GSE1: variants seen among roughly 807,000 people sequenced by gnomAD.
GSE1 encodes genetic suppressor element 1.
A neutral mutation model predicts 112.6 loss-of-function variants in GSE1; 32 were observed. The observed-to-expected ratio is 0.28, with a 90% CI of 0.21 to 0.38. The LOEUF (loss-of-function observed/expected upper bound fraction) is 0.38, where lower values mean the gene tolerates loss of function less well. Ranked by LOEUF, GSE1 falls within the 10% of genes least tolerant of loss-of-function variation. The pLI, the probability that GSE1 is intolerant of heterozygous loss-of-function variation, is 1.00. For synonymous variants in GSE1, 1,115 were observed against 735.6 expected (o/e 1.52, Z -8.35); for missense variants, 2,348 against 1,699.2 (o/e 1.38, Z -6.71).
intron 1 of GSE1, among the ~76,000 whole-genome samples, chr16:85,300,405 C>T (rs2045488693): frequency 6.6e-6 from 1 of 152,204 alleles, no homozygotes; most frequent in Non-Finnish European, 1.5e-5. Flanking sequence ...CAAACTTTCT[C>T]CTCTTCCCAA....
Position 85,206,353 on chromosome 16 carries a change from G to A in GSE1, c.2283+34546G>A, listed in dbSNP as rs142099953. On this transcript the variant is annotated intron_variant, in intron 1 of 2. Coordinates refer to the GSE1 transcript ENST00000637419. ...GGAAGGGTCTCAGCTGGGGATGGCC[G>A]GGCCACATCTGCCCTTTGAGAAGCC... Among the ~76,000 whole-genome samples the A allele has an allele frequency of 4.1e-3, 625 of 152,326 alleles. 4 individuals carry two copies. Among genetic ancestry groups the A allele is most frequent in the African/African-American group, 0.014 (589 of 41,558 alleles).
chr16:85,309,496 A>G (rs1378335898), intron 1 of GSE1, among the ~76,000 whole-genome samples: 1 of 123,320 alleles, frequency 8.1e-6, no homozygotes, highest in Non-Finnish European at 1.8e-5. Flanking sequence ...CCTGTCTCTA[A>G]AACAATAATA....
rs549277172 is a variant in GSE1, at chr16:85,291,915, G to A, written c.2284-65548G>A. On this transcript the variant is annotated intron_variant, in intron 1 of 2. Coordinates refer to the GSE1 transcript ENST00000637419. ...TATTAGAGCCGGCTTTGGGTTGACC[G>A]GGTCAGGCTATGGGGACTTACATAG... Among the ~76,000 whole-genome samples, 7 of 152,306 alleles carry A rather than the reference G, an allele frequency of 4.6e-5. No homozygotes were observed. The East Asian group carries it at 7.7e-4, about 17-fold the overall frequency.
intron 1 of GSE1, among the ~76,000 whole-genome samples, chr16:85,620,232 A>G (rs951712931): frequency 6.6e-6 from 1 of 152,182 alleles, no homozygotes; most frequent in Non-Finnish European, 1.5e-5. Flanking sequence ...GCTGCCTGCA[A>G]TGAGCTGTGA....
chr16:85,492,799 C>A (rs1284452369), intron 2 of GSE1, among the ~76,000 whole-genome samples: 1 of 152,134 alleles, frequency 6.6e-6, no homozygotes, highest in Admixed American at 6.5e-5. Flanking sequence ...CCTGAGTTTG[C>A]CTGGAGTGGT....
At chr16:85,478,425 G>A in intron 2 of GSE1, among the ~76,000 whole-genome samples, 1 of 151,764 alleles carries the variant, frequency 6.6e-6, no homozygotes, top group Non-Finnish European at 1.5e-5. Flanking sequence ...TACTCGGGAG[G>A]CTGAAGCAGG....
intron 8 of GSE1, among the ~76,000 whole-genome samples, chr16:85,658,113 T>C (rs1246027607): frequency 6.6e-6 from 1 of 152,220 alleles, no homozygotes; most frequent in African/African-American, 2.4e-5. Context: ...CCCAGGAAAC[T>C]GTGTGGTGGT....
At chr16:85,666,444 A>T in intron 13 of GSE1, 97 bp downstream of exon 13, 1 of 1,179,244 alleles carries the variant, frequency 8.5e-7, no homozygotes. Flanking sequence ...AGCCGTGGGC[A>T]CAAGTTTTTA....
chr16:85,341,423 C>G (rs1276916823), intron 1 of GSE1, among the ~76,000 whole-genome samples: 1 of 152,144 alleles, frequency 6.6e-6, no homozygotes, highest in African/African-American at 2.4e-5. Context: ...TTTGGGAGGC[C>G]AAGTCGGGTG....
At chr16:85,649,067 G>T (rs1388522891) in intron 3 of GSE1, among the ~76,000 whole-genome samples, 3 of 152,276 alleles carry the variant, frequency 2.0e-5, no homozygotes, top group Admixed American at 2.0e-4. Context: ...TTTCCCCAGA[G>T]GCCTCTCCTG....
intron 1 of GSE1, among the ~76,000 whole-genome samples, chr16:85,260,314 C>CT (rs1379014820): frequency 1.1e-4 from 12 of 112,158 alleles, no homozygotes; most frequent in African/African-American, 3.2e-4. Context: ...TTTTCTTTTT[C>CT]TTTTCTTTTT....
At chr16:85,335,898 A>T (rs1178751143) in intron 1 of GSE1, among the ~76,000 whole-genome samples, 1 of 152,154 alleles carries the variant, frequency 6.6e-6, no homozygotes, top group Non-Finnish European at 1.5e-5. Context: ...GCCACCCCAG[A>T]TGTCCCATAA....
chr16:85,622,113 C>T (rs1341879734), intron 1 of GSE1, among the ~76,000 whole-genome samples: 1 of 152,164 alleles, frequency 6.6e-6, no homozygotes, highest in East Asian at 1.9e-4. Flanking sequence ...CAGCAGTTGA[C>T]AGGATGATTG....
chr16:85,656,697 AGGTCTCAGCCACCCGC>A (rs1567738270), intron 7 of GSE1, 32 bp downstream of exon 7: 2 of 1,464,744 alleles, frequency 1.4e-6, no homozygotes, highest in Non-Finnish European at 1.8e-6. Flanking sequence ...GTGCTGGGCA[AGGTCTCAGCCACCCGC>A]GGGGAGGAGC....
chr16:85,225,053 C>T (rs1567621570), intron 1 of GSE1, among the ~76,000 whole-genome samples: 2 of 152,026 alleles, frequency 1.3e-5, no homozygotes, highest in Admixed American at 6.6e-5. Context: ...ATCGCTTGAT[C>T]CCAGGAGGTG....
chr16:85,431,531 C>T (rs748798357), intron 2 of GSE1, among the ~76,000 whole-genome samples: 1 of 152,266 alleles, frequency 6.6e-6, no homozygotes, highest in Non-Finnish European at 1.5e-5. Context: ...CCTGCTGTCC[C>T]CAGATCTGAT....
chr16:85,422,079 T>C (rs8046241), intron 2 of GSE1, among the ~76,000 whole-genome samples: 142,584 of 152,174 alleles, frequency 0.94, 67,527 homozygotes, highest in East Asian at 1. Context: ...ATGGAAAAGC[T>C]GCACCTCTGA....
At chr16:85,532,409 C>T (rs1449767763) in intron 2 of GSE1, among the ~76,000 whole-genome samples, 4 of 152,194 alleles carry the variant, frequency 2.6e-5, no homozygotes, top group East Asian at 3.8e-4. Flanking sequence ...CACAAGCATA[C>T]GCCACCACGC....
chr16:85,602,237 C>T (rs1230408062), intron 1 of GSE1, among the ~76,000 whole-genome samples: 2 of 151,854 alleles, frequency 1.3e-5, no homozygotes, highest in African/African-American at 2.4e-5. Flanking sequence ...GCCTGGAGGC[C>T]GAGGCGGGGG....
Sources: gnomAD v4.1 joint callset for allele counts (sites outside exome capture counted in the v4.1 genomes callset) on GRCh38, gnomAD v4.1.1 for gene constraint, MANE v1.5 for transcripts, NCBI Gene and HGNC (gene_info 2026-07-23, HGNC 2026-07-21) for gene names.